GALNT18: variants seen among roughly 807,000 people sequenced by gnomAD.
GALNT18 encodes GalNAc-transferase 18.
GALNT18 carries 44 observed loss-of-function variants against 69.5 expected under a neutral mutation model. That is an observed-to-expected ratio of 0.63 (90% confidence interval 0.50 to 0.81). The LOEUF is 0.81. Among genes scored for constraint, GALNT18 ranks in the 40% least tolerant of loss-of-function variants. The pLI, the probability that GALNT18 is intolerant of heterozygous loss-of-function variation, is 0.00. For missense variants in GALNT18, 715 were observed against 810.0 expected (o/e 0.88, Z 1.42); for synonymous variants, 364 against 318.2 (o/e 1.14, Z -1.53).
intron 1 of GALNT18, among the ~76,000 whole-genome samples, chr11:11,568,070 G>C (rs115031701): frequency 1.1e-3 from 164 of 152,320 alleles, no homozygotes; most frequent in African/African-American, 3.6e-3. Context: ...TGCCAGGTCT[G>C]AACAGAAGTT....
rs1857056205 is a variant in GALNT18, at chr11:11,505,727, T to A, written c.236-56791A>T. Among the ~76,000 whole-genome samples the A allele has an allele frequency of 6.6e-6, 1 of 152,234 alleles. No individual in the cohort carries two copies. Among genetic ancestry groups the A allele is most frequent in the South Asian group, 2.1e-4 (1 of 4,830 alleles). ...CTCGCTTCCTCCTGCAAACTCTTGCTGCTTCCTCCCTGAATCCAGTGTACC... is the reference window on the plus strand; with the variant it reads ...CTCGCTTCCTCCTGCAAACTCTTGCAGCTTCCTCCCTGAATCCAGTGTACC... On this transcript the variant is annotated intron_variant, in intron 1 of 10. Coordinates refer to ENST00000227756, the MANE Select transcript of GALNT18 (RefSeq NM_198516.3). The surrounding 1 kb of genome is among the most constrained non-coding windows in gnomAD (Gnocchi z 4.6).
chr11:11,544,027 G>T (rs768637397), intron 1 of GALNT18, among the ~76,000 whole-genome samples: 10 of 152,350 alleles, frequency 6.6e-5, no homozygotes, highest in Admixed American at 3.9e-4. Flanking sequence ...TGCGCACAAG[G>T]CTTCCTCGTC....
chr11:11,289,412 A>T (rs1849257640), intron 10 of GALNT18, among the ~76,000 whole-genome samples: 1 of 152,250 alleles, frequency 6.6e-6, no homozygotes, highest in African/African-American at 2.4e-5. Context: ...AAAACTGCCC[A>T]GTCACCGAAG....
rs1486748905 is a variant in GALNT18, at chr11:11,620,330, CGCGTGTGT to C, written c.235+1021_235+1028del. Among the ~76,000 whole-genome samples the C allele has an allele frequency of 7.6e-5, 10 of 130,846 alleles. No homozygotes were observed. The highest frequency in any genetic ancestry group is 1.9e-4 in the African/African-American group (7 of 37,206). 85.8% of individuals were successfully genotyped at this position (130,846 alleles called of 152,430 possible). On this transcript the variant is annotated intron_variant, in intron 1 of 10. Transcript: ENST00000227756. This position sits in a 1 kb window ranked among gnomAD's most constrained non-coding sequence, Gnocchi z 6.9. ...GTGTGGACGTGAGCGCGCGCGCGCG[CGCGTGTGT>C]GTGTGTGTGTGCACACCCGGCACCA...
chr11:11,284,205 C>G (rs1306795593), intron 10 of GALNT18, among the ~76,000 whole-genome samples: 1 of 152,196 alleles, frequency 6.6e-6, no homozygotes, highest in African/African-American at 2.4e-5. Context: ...CACCGAGGAG[C>G]AGATCCCAGG....
In GALNT18 at chr11:11,487,893, T is replaced by C. The variant is rs1474650629; in HGVS notation, c.236-38957A>G. The stretch of plus-strand genomic sequence containing the variant: ...CTTCTTGAACACTGCCTGCCCCTAG[T>C]GCAAATTCCTGCAGGAAAAGTGCAC... On this transcript the variant is annotated intron_variant, in intron 1 of 10. Coordinates refer to ENST00000227756, the MANE Select transcript of GALNT18 (RefSeq NM_198516.3). Among the ~76,000 whole-genome samples the C allele has an allele frequency of 3.3e-5, 5 of 152,168 alleles. No homozygotes were observed. In the East Asian group the frequency reaches 9.6e-4, roughly 29 times the overall value.
rs1485112120 is a variant in GALNT18, at chr11:11,617,920, G to A, written c.235+3439C>T. Among the ~76,000 whole-genome samples, 1 of 152,000 alleles carries A rather than the reference G, an allele frequency of 6.6e-6. No individual in the cohort carries two copies. The highest frequency in any genetic ancestry group is 2.4e-5 in the African/African-American group (1 of 41,376). ...TTTACTTTGTGTTTCTAAACCCCCA[G>A]GATGCTTTTTTTAAAAACTCATAAG... is the stretch of plus-strand genomic sequence containing the variant. On this transcript the variant is annotated intron_variant, in intron 1 of 10. Coordinates refer to ENST00000227756, the MANE Select transcript of GALNT18 (RefSeq NM_198516.3). The surrounding 1 kb of genome is among the most constrained non-coding windows in gnomAD (Gnocchi z 4.7).
At chr11:11,271,712 C>G (rs1487189983) in intron 10 of GALNT18, among the ~76,000 whole-genome samples, 1 of 149,378 alleles carries the variant, frequency 6.7e-6, no homozygotes, top group African/African-American at 2.5e-5. Context: ...GGGTCCATGC[C>G]CCCAGTTGGA....
rs1850153447 is a variant in GALNT18 at position 11,338,671 on chromosome 11, T to C, written c.1278+2148A>G. On this transcript the variant is annotated intron_variant, in intron 7 of 10. Coordinates refer to ENST00000227756, the MANE Select transcript of GALNT18 (RefSeq NM_198516.3). This position sits in a 1 kb window ranked among gnomAD's most constrained non-coding sequence, Gnocchi z 5.3. The stretch of plus-strand genomic sequence containing the variant: ...GAGATGTCCAGCTGGCAGTTGGAGA[T>C]GTGAGTCTGAAAGTGAAGGCAGAAA... Among the ~76,000 whole-genome samples, 1 of 152,068 alleles carries C rather than the reference T, an allele frequency of 6.6e-6. No homozygotes were observed.
chr11:11,464,258 A>G (rs187115805), intron 1 of GALNT18, among the ~76,000 whole-genome samples: 64 of 152,324 alleles, frequency 4.2e-4, no homozygotes, highest in African/African-American at 1.4e-3. Flanking sequence ...TAAAGTGAAC[A>G]AAAAAGCCTA....
intron 6 of GALNT18, among the ~76,000 whole-genome samples, chr11:11,361,319 T>G (rs1850641208): frequency 6.6e-6 from 1 of 152,218 alleles, no homozygotes; most frequent in Non-Finnish European, 1.5e-5. Context: ...TTACCAGTCA[T>G]GTAACCTTGA....
At chr11:11,300,288 T>C (rs78548950) in intron 9 of GALNT18, among the ~76,000 whole-genome samples, 3,969 of 152,226 alleles carry the variant, frequency 0.026, 72 homozygotes, top group Non-Finnish European at 0.041. Context: ...GCCTCCTGCA[T>C]GGGGCAGCAG....
At chr11:11,559,370 C>T (rs774161245) in intron 1 of GALNT18, among the ~76,000 whole-genome samples, 25 of 152,242 alleles carry the variant, frequency 1.6e-4, no homozygotes, top group Non-Finnish European at 2.8e-4. Context: ...CTGTTTCCAT[C>T]ACACCCCAAC....
intron 10 of GALNT18, among the ~76,000 whole-genome samples, chr11:11,272,170 A>T (rs140348195): frequency 2.3e-3 from 345 of 152,264 alleles, no homozygotes; most frequent in African/African-American, 7.7e-3. Flanking sequence ...TTTCCCCCAG[A>T]ACCTACTCCT....
chr11:11,350,131 A>T (rs1179500648), intron 6 of GALNT18, among the ~76,000 whole-genome samples: 1 of 152,254 alleles, frequency 6.6e-6, no homozygotes. Context: ...TCCATGAAGA[A>T]AAACTTAAAA....
chr11:11,598,718 T>C lies in GALNT18; in HGVS notation c.235+22641A>G. Among the ~76,000 whole-genome samples the C allele has an allele frequency of 6.6e-6, 1 of 152,338 alleles. No individual in the cohort carries two copies. Among genetic ancestry groups the C allele is most frequent in the Non-Finnish European group, 1.5e-5 (1 of 68,024 alleles). On this transcript the variant is annotated intron_variant, in intron 1 of 10. Transcript: ENST00000227756. This position sits in a 1 kb window ranked among gnomAD's most constrained non-coding sequence, Gnocchi z 4.8. The stretch of plus-strand genomic sequence containing the variant: ...AATTAAGATATTTTTTCTTTTTCAA[T>C]ATAGACATTTATAGTTATACATTTC...
chr11:11,496,475 G>T lies in GALNT18; in HGVS notation c.236-47539C>A, dbSNP rs1019717220. Among the ~76,000 whole-genome samples the T allele has an allele frequency of 1.3e-4, 20 of 152,148 alleles. No individual in the cohort carries two copies. Among genetic ancestry groups the T allele is most frequent in the African/African-American group, 4.8e-4 (20 of 41,414 alleles). ...CATTGCTATCAACTCCAATAATGGG[G>T]CATGCTGGAAAAATAAAACAGAAGA... On this transcript the variant is annotated intron_variant, in intron 1 of 10. Coordinates refer to ENST00000227756, the MANE Select transcript of GALNT18 (RefSeq NM_198516.3). This position sits in a 1 kb window ranked among gnomAD's most constrained non-coding sequence, Gnocchi z 4.0.
Position 11,402,245 on chromosome 11 carries a change from T to C in GALNT18, c.596-22981A>G, listed in dbSNP as rs576835925. Reference sequence around the variant, plus strand: ...TTCAGAGTGTTTATAGAACAGAGATTGTCTTAAACGATCCAGCCTGGTGGA... The same window carrying C: ...TTCAGAGTGTTTATAGAACAGAGATCGTCTTAAACGATCCAGCCTGGTGGA... On this transcript the variant is annotated intron_variant, in intron 3 of 10. Coordinates refer to ENST00000227756, the MANE Select transcript of GALNT18 (RefSeq NM_198516.3). The surrounding 1 kb of genome is among the most constrained non-coding windows in gnomAD (Gnocchi z 4.0). Among the ~76,000 whole-genome samples, 2 of 152,356 alleles carry C rather than the reference T, an allele frequency of 1.3e-5. No individual in the cohort carries two copies. The highest frequency in any genetic ancestry group is 4.1e-4 in the South Asian group (2 of 4,822).
chr11:11,297,745 C>G (rs1233570096), intron 9 of GALNT18, among the ~76,000 whole-genome samples: 1 of 152,136 alleles, frequency 6.6e-6, no homozygotes, highest in Non-Finnish European at 1.5e-5. Context: ...CTTACAAACC[C>G]CCGGGGCAGA....
Sources: gnomAD v4.1 joint callset for allele counts (sites outside exome capture counted in the v4.1 genomes callset) on GRCh38, gnomAD v4.1.1 for gene constraint, Gnocchi (gnomAD v3.1) non-coding constraint, MANE v1.5 for transcripts, NCBI Gene and HGNC (gene_info 2026-07-23, HGNC 2026-07-21) for gene names.